Variants in SLC5A10 observed in about 807,000 individuals in gnomAD.
SLC5A10 encodes sodium/mannose cotransporter SLC5A10.
A neutral mutation model predicts 68.9 loss-of-function variants in SLC5A10; 55 were observed. The ratio of observed to expected loss-of-function variants is 0.80; its 90% confidence interval spans 0.64 to 1.00. The LOEUF (loss-of-function observed/expected upper bound fraction) is 1.00. Ranked by LOEUF, SLC5A10 falls within the 50% of genes least tolerant of loss-of-function variation. The probability of loss-of-function intolerance (pLI) is 0.00; values close to 1 mark genes in which losing one functional copy is unlikely to be tolerated. For synonymous variants in SLC5A10, 344 were observed against 344.8 expected (o/e 1.00, Z 0.02); for missense variants, 732 against 819.3 (o/e 0.89, Z 1.30).
intron 5 of SLC5A10, among the ~76,000 whole-genome samples, chr17:18,963,746 G>C (rs2042656924): frequency 6.6e-6 from 1 of 152,250 alleles, no homozygotes; most frequent in Non-Finnish European, 1.5e-5. Flanking sequence ...AGGAGGACCG[G>C]CGATGGCAGG....
intron 1 of SLC5A10, among the ~76,000 whole-genome samples, chr17:18,958,203 G>A (rs1264106783): frequency 2.0e-5 from 3 of 152,116 alleles, no homozygotes; most frequent in Admixed American, 6.5e-5. Context: ...CCTAAGTAGC[G>A]GGGGCCACAG....
intron 9 of SLC5A10, among the ~76,000 whole-genome samples, chr17:18,980,525 C>T (rs1381326218): frequency 1.3e-5 from 2 of 152,094 alleles, no homozygotes; most frequent in African/African-American, 4.8e-5. Context: ...ACATAAGGGC[C>T]CTCTGTCCCA....
At chr17:18,962,021 C>T (rs956250096) in intron 5 of SLC5A10, among the ~76,000 whole-genome samples, 1 of 152,204 alleles carries the variant, frequency 6.6e-6, no homozygotes, top group African/African-American at 2.4e-5. Flanking sequence ...TGGCCTTGGC[C>T]TGCCCTTAAG....
rs373804954 is a variant in SLC5A10 at position 19,005,122 on chromosome 17, T to C, written c.983-8288T>C. The stretch of plus-strand genomic sequence containing the variant: ...GTGGCGGGAAGTCCGTGCGGCTGTA[T>C]AGATACCCAGCTGTCCAGTTGTGGA... On this transcript the variant is annotated intron_variant, in intron 9 of 14. Transcript: ENST00000395645. Among the ~76,000 whole-genome samples, 60 of 152,114 alleles carry C rather than the reference T, an allele frequency of 3.9e-4. 1 individual carries two copies. The East Asian group carries it at 9.7e-3, about 24-fold the overall frequency.
rs764979739 is a variant in SLC5A10 at position 19,004,076 on chromosome 17, G to C, written c.983-9334G>C. 20 of 1,550,564 alleles carry C rather than the reference G, an allele frequency of 1.3e-5. No homozygotes were observed. Among genetic ancestry groups the C allele is most frequent in the African/African-American group, 2.7e-5 (2 of 73,182 alleles). On this transcript the variant is annotated intron_variant, in intron 9 of 14. Coordinates refer to ENST00000395645, the MANE Select transcript of SLC5A10 (RefSeq NM_001042450.4). The surrounding 1 kb of genome is among the most constrained non-coding windows in gnomAD (Gnocchi z 5.4). ...TGCCCGGGCACTGCTGCCGGGGGTG[G>C]GTGGGCAAGGTCCAGCTCCTAGCTC...
At chr17:18,989,913 G>A (rs779250699) in intron 9 of SLC5A10, among the ~76,000 whole-genome samples, 21 of 152,200 alleles carry the variant, frequency 1.4e-4, no homozygotes, top group Non-Finnish European at 2.5e-4. Flanking sequence ...CCTTCTCTTG[G>A]ACGTTTAGTC....
At chr17:18,959,776 C>A in intron 4 of SLC5A10, 113 bp downstream of exon 4, 1 of 933,676 alleles carries the variant, frequency 1.1e-6, no homozygotes, top group Non-Finnish European at 1.7e-6. Context: ...ACTCTTAGGG[C>A]TGGGTTTGCT....
At chr17:18,961,694 T>C (rs2042616556) in intron 5 of SLC5A10, among the ~76,000 whole-genome samples, 1 of 152,152 alleles carries the variant, frequency 6.6e-6, no homozygotes, top group African/African-American at 2.4e-5. Context: ...AGCCAGGAGC[T>C]GTGGGCAGGG....
rs978001980 is a variant in SLC5A10, at chr17:19,000,751, C to T, written c.983-12659C>T. Among the ~76,000 whole-genome samples, 8 of 152,198 alleles carry T rather than the reference C, an allele frequency of 5.3e-5. No homozygotes were observed. The highest frequency in any genetic ancestry group is 2.0e-4 in the Admixed American group (3 of 15,282). On this transcript the variant is annotated intron_variant, in intron 9 of 14. Coordinates refer to ENST00000395645, the MANE Select transcript of SLC5A10 (RefSeq NM_001042450.4). The surrounding 1 kb of genome is among the most constrained non-coding windows in gnomAD (Gnocchi z 5.2). ...GGGGGCAGGCAGAGTTCTCCCTACA[C>T]AATACCAGAGTGAGAAGGGGAGGTG... is the stretch of plus-strand genomic sequence containing the variant.
chr17:18,999,694 C>T (rs141061975), intron 9 of SLC5A10, among the ~76,000 whole-genome samples: 19 of 152,308 alleles, frequency 1.2e-4, no homozygotes, highest in South Asian at 6.2e-4. Context: ...TGTGTGAAGG[C>T]GGGGGCCTGA....
rs139592069 is a variant in SLC5A10 at position 19,019,841 on chromosome 17, C to T, written c.1539C>T (p.Tyr513=). 7 of 1,613,608 alleles carry T rather than the reference C, an allele frequency of 4.3e-6. No homozygotes were observed. The African/African-American group carries it at 6.7e-5, about 15-fold the overall frequency. The change falls in exon 13 of 15, where the codon TAC becomes TAT. Residue 513 remains tyrosine, a synonymous_variant. Transcript: ENST00000395645. ...TRPAVLGSIH[Y]LHFAVALFAL... is the part of the protein sequence containing the mutation. Reference sequence around the variant, plus strand: ...CAGCCGTCCTGGGGAGCATCCACTACCTGCACTTCGCTGTCGCCCTCTTTG... The same window carrying T: ...CAGCCGTCCTGGGGAGCATCCACTATCTGCACTTCGCTGTCGCCCTCTTTG...
chr17:18,994,406 G>C (rs62072660), intron 9 of SLC5A10, among the ~76,000 whole-genome samples: 11,423 of 152,236 alleles, frequency 0.075, 648 homozygotes, highest in South Asian at 0.22. Context: ...GTAGCAGCTA[G>C]GATTTGCAGG....
chr17:18,982,519 T>C (rs1023871541), intron 9 of SLC5A10, among the ~76,000 whole-genome samples: 1 of 152,112 alleles, frequency 6.6e-6, no homozygotes, highest in Non-Finnish European at 1.5e-5. Flanking sequence ...CCTGGAAAAG[T>C]CTTTGGACCC....
chr17:18,953,397 G>T (rs1252338399), intron 1 of SLC5A10, among the ~76,000 whole-genome samples: 1 of 152,106 alleles, frequency 6.6e-6, no homozygotes, highest in Non-Finnish European at 1.5e-5. Flanking sequence ...CTCCCAAAGT[G>T]CTAGAATTAC....
intron 1 of SLC5A10, among the ~76,000 whole-genome samples, chr17:18,958,093 C>G (rs1309570247): frequency 6.6e-6 from 1 of 152,082 alleles, no homozygotes; most frequent in Admixed American, 6.5e-5. Context: ...TTTTTCCAGA[C>G]AGGATTTCAC....
chr17:19,016,630 C>T (rs1324728103), intron 11 of SLC5A10, among the ~76,000 whole-genome samples: 3 of 152,182 alleles, frequency 2.0e-5, no homozygotes, highest in Non-Finnish European at 2.9e-5. Context: ...ACGCCAGAGG[C>T]GGGTGCGAGT....
rs114835363 is a variant in SLC5A10, at chr17:19,019,538, C to T, written c.1357C>T (p.Pro453Ser). ...MQSVTSSLAP[P>S]VTAVFVLGVF... ...GTCAGTGACCAGCTCCCTGGCCCCA[C>T]CAGTGACTGCAGTCTTTGTCCTGGG... The change falls in exon 12 of 15, where the codon CCA becomes TCA. Residue 453 changes from proline to serine, a missense_variant. Pro to Ser is a moderately conservative substitution (Grantham distance 74). Coordinates refer to ENST00000395645, the MANE Select transcript of SLC5A10 (RefSeq NM_001042450.4). 127 of 1,612,400 alleles carry T rather than the reference C, an allele frequency of 7.9e-5. No homozygotes were observed. In the African/African-American group the frequency reaches 1.6e-3, roughly 21 times the overall value.
chr17:19,012,036 T>TC (rs1417784850), intron 9 of SLC5A10, among the ~76,000 whole-genome samples: 23 of 152,096 alleles, frequency 1.5e-4, no homozygotes, highest in Admixed American at 1.5e-3. Flanking sequence ...TGCAGTGCTG[T>TC]CAGTCAGCTT....
At chr17:18,951,929 C>T (rs978302582), upstream of SLC5A10, 11 of 438,126 alleles carry the variant, frequency 2.5e-5, no homozygotes, top group African/African-American at 2.0e-4. Flanking sequence ...TTTCCCCAAG[C>T]CCCCTCCGAG....
Sources: gnomAD v4.1 joint callset for allele counts (sites outside exome capture counted in the v4.1 genomes callset) on GRCh38, gnomAD v4.1.1 for gene constraint, Gnocchi (gnomAD v3.1) non-coding constraint, MANE v1.5 for transcripts, NCBI Gene and HGNC (gene_info 2026-07-23, HGNC 2026-07-21) for gene names.